CSMD1: variants seen among roughly 807,000 people sequenced by gnomAD.
The protein encoded by CSMD1 is CUB and Sushi multiple domains 1, also known as CUB and sushi domain-containing protein 1.
In CSMD1, 213 loss-of-function variants were observed where a neutral mutation model predicts 417.5. The observed-to-expected ratio is 0.51, with a 90% CI of 0.46 to 0.57. The LOEUF (loss-of-function observed/expected upper bound fraction) is 0.57. Ranked by LOEUF, CSMD1 falls within the 20% of genes least tolerant of loss-of-function variation. The pLI, the probability that CSMD1 is intolerant of heterozygous loss-of-function variation, is 0.00. For missense variants in CSMD1, 6,923 were observed against 4,529.7 expected (o/e 1.53, Z -15.17); for synonymous variants, 2,862 against 1,736.8 (o/e 1.65, Z -16.11).
At chr8:4,729,371 G>A (rs1321108683) in intron 1 of CSMD1, among the ~76,000 whole-genome samples, 1 of 152,174 alleles carries the variant, frequency 6.6e-6, no homozygotes, top group Non-Finnish European at 1.5e-5. Context: ...GTAGGTTCAA[G>A]AGAGAATTGG....
chr8:3,229,053 T>C (rs1246703186), intron 27 of CSMD1, among the ~76,000 whole-genome samples: 1 of 152,154 alleles, frequency 6.6e-6, no homozygotes, highest in Non-Finnish European at 1.5e-5. Context: ...TTCAGACAAC[T>C]GGGATAAGTG....
At chr8:3,326,405 A>T (rs970253179) in intron 23 of CSMD1, among the ~76,000 whole-genome samples, 4 of 152,180 alleles carry the variant, frequency 2.6e-5, no homozygotes, top group African/African-American at 9.7e-5. Flanking sequence ...TCCTGTTTTT[A>T]GGGTAGCCTC....
chr8:4,252,905 A>G (rs1158329279), intron 3 of CSMD1, among the ~76,000 whole-genome samples: 1 of 152,198 alleles, frequency 6.6e-6, no homozygotes, highest in Non-Finnish European at 1.5e-5. Flanking sequence ...GTTCATGACC[A>G]ACTTAAGTGG....
chr8:4,928,696 A>C (rs1010638808), intron 1 of CSMD1, among the ~76,000 whole-genome samples: 1 of 152,164 alleles, frequency 6.6e-6, no homozygotes, highest in African/African-American at 2.4e-5. Flanking sequence ...GCCACCCTAG[A>C]ATTCATACAC....
At chr8:3,821,422 A>G (rs1801728793) in intron 5 of CSMD1, among the ~76,000 whole-genome samples, 2 of 152,190 alleles carry the variant, frequency 1.3e-5, no homozygotes, top group South Asian at 4.1e-4. Context: ...TGGATTATGC[A>G]TTCTGCTATG....
intron 12 of CSMD1, among the ~76,000 whole-genome samples, chr8:3,424,517 G>C (rs563848629): frequency 2.0e-5 from 3 of 152,272 alleles, no homozygotes. Context: ...GAGAAAAAAA[G>C]TTAAAAAATT....
rs79997727 is a variant in CSMD1 at position 4,536,866 on chromosome 8, G to A, written c.302+100476C>T. Among the ~76,000 whole-genome samples, 97 of 152,238 alleles carry A rather than the reference G, an allele frequency of 6.4e-4. No homozygotes were observed. In the East Asian group the frequency reaches 0.011, roughly 17 times the overall value. On this transcript the variant is annotated intron_variant, in intron 2 of 69. Coordinates refer to ENST00000635120, the MANE Select transcript of CSMD1 (RefSeq NM_033225.6). Reference sequence around the variant, plus strand: ...GTCACCTTTTGCATTTTGCACAATAGTGCATCAGAGTGCCAGTTTCTCCAG... The same window carrying A: ...GTCACCTTTTGCATTTTGCACAATAATGCATCAGAGTGCCAGTTTCTCCAG...
chr8:4,195,994 G>C (rs1484921898), intron 3 of CSMD1, among the ~76,000 whole-genome samples: 1 of 152,058 alleles, frequency 6.6e-6, no homozygotes, highest in African/African-American at 2.4e-5. Flanking sequence ...AGCGGATCAT[G>C]AGGTCATGCG....
In CSMD1 at chr8:4,843,027, A is replaced by C. The variant is rs534371022; in HGVS notation, c.85+151305T>G. 7.7e-4 allele frequency among the ~76,000 whole-genome samples: 117 copies of C among 152,308 alleles called. 2 individuals are homozygous for C. In the Middle Eastern group the frequency reaches 0.02, roughly 27 times the overall value. Reference sequence around the variant, plus strand: ...CATGCTACTCCAGGACTCTAACATCAACTGAGTGAAGTCAAAATAAGAGAT... The same window carrying C: ...CATGCTACTCCAGGACTCTAACATCCACTGAGTGAAGTCAAAATAAGAGAT... On this transcript the variant is annotated intron_variant, in intron 1 of 69. Transcript: ENST00000635120.
intron 1 of CSMD1, among the ~76,000 whole-genome samples, chr8:4,883,908 G>C (rs1248725052): frequency 6.6e-6 from 1 of 151,996 alleles, no homozygotes; most frequent in African/African-American, 2.4e-5. Context: ...GGAACTGCCA[G>C]ACTGTTTTCC....
intron 5 of CSMD1, among the ~76,000 whole-genome samples, chr8:3,963,431 C>T (rs1812457152): frequency 6.6e-6 from 1 of 152,142 alleles, no homozygotes; most frequent in Admixed American, 6.5e-5. Context: ...AAATATCTCG[C>T]TGGTCTCTTT....
intron 2 of CSMD1, among the ~76,000 whole-genome samples, chr8:4,594,507 A>T (rs190792879): frequency 1.4e-4 from 21 of 151,938 alleles, no homozygotes; most frequent in African/African-American, 5.1e-4. Flanking sequence ...CCCTGAAATG[A>T]TCTGTTTCTA....
rs187816762 is a variant in CSMD1 at position 3,675,908 on chromosome 8, A to T, written c.1009+32506T>A. Among the ~76,000 whole-genome samples, 656 of 152,294 alleles carry T rather than the reference A, an allele frequency of 4.3e-3. 1 individual carries two copies. Among genetic ancestry groups the T allele is most frequent in the Non-Finnish European group, 7.0e-3 (474 of 68,022 alleles). Reference sequence around the variant, plus strand: ...TTCTGTCTTGCTGAAGTTCTCTCTCAGCACTGTCCCATCATTGGAGAGTAA... The same window carrying T: ...TTCTGTCTTGCTGAAGTTCTCTCTCTGCACTGTCCCATCATTGGAGAGTAA... On this transcript the variant is annotated intron_variant, in intron 7 of 69. Coordinates refer to ENST00000635120, the MANE Select transcript of CSMD1 (RefSeq NM_033225.6).
At chr8:4,190,074 T>C (rs1055809419) in intron 3 of CSMD1, among the ~76,000 whole-genome samples, 6 of 151,660 alleles carry the variant, frequency 4.0e-5, no homozygotes, top group African/African-American at 1.2e-4. Flanking sequence ...CTGGCTAACA[T>C]GGTGAAACCC....
chr8:4,812,641 A>C (rs1469224925), intron 1 of CSMD1, among the ~76,000 whole-genome samples: 1 of 152,216 alleles, frequency 6.6e-6, no homozygotes, highest in East Asian at 1.9e-4. Context: ...TAGATCATTT[A>C]AACAAAGATT....
At chr8:4,846,029 T>C (rs186373188) in intron 1 of CSMD1, among the ~76,000 whole-genome samples, 8 of 152,304 alleles carry the variant, frequency 5.3e-5, no homozygotes, top group Non-Finnish European at 8.8e-5. Flanking sequence ...TTCTTTGTTT[T>C]TCCAGAATGA....
intron 3 of CSMD1, among the ~76,000 whole-genome samples, chr8:4,400,838 C>A (rs780055764): frequency 6.7e-6 from 1 of 148,366 alleles, no homozygotes; most frequent in African/African-American, 2.5e-5. Context: ...ATTTGAAGAA[C>A]ATTTTTTATT....
chr8:3,881,552 C>A (rs1806203877), intron 5 of CSMD1, among the ~76,000 whole-genome samples: 2 of 148,650 alleles, frequency 1.3e-5, no homozygotes, highest in African/African-American at 5.0e-5. Context: ...TTGCATTGAG[C>A]CAAGATGGAG....
At chr8:3,011,294 A>C (rs1414548201) in intron 52 of CSMD1, among the ~76,000 whole-genome samples, 1 of 152,134 alleles carries the variant, frequency 6.6e-6, no homozygotes, top group African/African-American at 2.4e-5. Flanking sequence ...CATACAGAAC[A>C]TATTTTACAC....
Sources: allele counts gnomAD v4.1 joint callset (sites outside exome capture counted in the v4.1 genomes callset), GRCh38; gene constraint gnomAD v4.1.1; transcripts MANE v1.5; gene names NCBI Gene and HGNC (gene_info 2026-07-23, HGNC 2026-07-21).